The following KLHL29 variants were observed in gnomAD, a reference collection of about 807,000 sequenced individuals.
KLHL29 encodes kelch-like protein 29.
In KLHL29, 21 loss-of-function variants were observed where a neutral mutation model predicts 80.4. That is an observed-to-expected ratio of 0.26 (90% CI 0.19 to 0.38). The LOEUF (loss-of-function observed/expected upper bound fraction) is 0.38, where lower values mean the gene tolerates loss of function less well. Ranked by LOEUF, KLHL29 falls within the 10% of genes least tolerant of loss-of-function variation. The probability of loss-of-function intolerance (pLI) is 1.00; values close to 1 mark genes in which losing one functional copy is unlikely to be tolerated. For synonymous variants in KLHL29, 511 were observed against 526.8 expected (o/e 0.97, Z 0.41); for missense variants, 867 against 1,223.9 (o/e 0.71, Z 4.35).
At chr2:23,651,824 C>G (rs1670095765) in intron 5 of KLHL29, among the ~76,000 whole-genome samples, 1 of 152,192 alleles carries the variant, frequency 6.6e-6, no homozygotes, top group South Asian at 2.1e-4. Context: ...CTCACTGTAT[C>G]CTCACGTGGC....
At chr2:23,477,318 G>C (rs1664665819) in intron 2 of KLHL29, among the ~76,000 whole-genome samples, 1 of 152,266 alleles carries the variant, frequency 6.6e-6, no homozygotes, top group Admixed American at 6.5e-5. Context: ...GCTGGTCAGA[G>C]AGCTTTCTCT....
intron 3 of KLHL29, among the ~76,000 whole-genome samples, chr2:23,606,186 GA>G (rs1465563045): frequency 5.8e-5 from 7 of 119,754 alleles, no homozygotes; most frequent in Non-Finnish European, 8.6e-5. Context: ...GAGAGAGAGA[GA>G]GGGAGAGAGA....
At chr2:23,462,570 G>A (rs986634718) in intron 1 of KLHL29, among the ~76,000 whole-genome samples, 7 of 152,186 alleles carry the variant, frequency 4.6e-5, no homozygotes, top group Admixed American at 2.6e-4. Context: ...GCAAAATATA[G>A]GGGTTGTTGG....
At chr2:23,461,338 T>C (rs7586272) in intron 1 of KLHL29, among the ~76,000 whole-genome samples, 47,813 of 152,038 alleles carry the variant, frequency 0.31, 7,870 homozygotes, top group South Asian at 0.43. Context: ...TTCTGTCTCC[T>C]ACTTTGGGTC....
intron 1 of KLHL29, among the ~76,000 whole-genome samples, chr2:23,403,074 G>C (rs1466713456): frequency 6.6e-6 from 1 of 151,880 alleles, no homozygotes; most frequent in East Asian, 1.9e-4. Context: ...TAAAAAGGCT[G>C]AAAATGTGCC....
chr2:23,395,002 A>C (rs956474084), intron 1 of KLHL29, among the ~76,000 whole-genome samples: 3 of 152,190 alleles, frequency 2.0e-5, no homozygotes, highest in African/African-American at 7.2e-5. Context: ...ATCAATGGTT[A>C]TTTCTGGACT....
chr2:23,693,592 T>C (rs748500925), intron 8 of KLHL29, 64 bp downstream of exon 8: 561 of 1,483,120 alleles, frequency 3.8e-4, no homozygotes, highest in Middle Eastern at 5.1e-4. Context: ...GGCAATGGGG[T>C]CTGCAGCAAG....
At chr2:23,556,554 G>A (rs1337330945) in intron 2 of KLHL29, among the ~76,000 whole-genome samples, 2 of 151,986 alleles carry the variant, frequency 1.3e-5, no homozygotes, top group Non-Finnish European at 2.9e-5. Flanking sequence ...GCAGGAGGCT[G>A]AGGCAGGAGA....
chr2:23,664,056 A>G (rs918628731), intron 5 of KLHL29, among the ~76,000 whole-genome samples: 1 of 152,240 alleles, frequency 6.6e-6, no homozygotes, highest in Admixed American at 6.5e-5. Flanking sequence ...ATATGCGCTT[A>G]TGCATTGTAA....
chr2:23,457,864 T>A lies in KLHL29; in HGVS notation c.-153-17696T>A, dbSNP rs1205837905. Reference sequence around the variant, plus strand: ...CTGTCTCTACTAAAAATACAAAAAATTAGCCAGGCGTGGTGGCGGGCACCT... The same window carrying A: ...CTGTCTCTACTAAAAATACAAAAAAATAGCCAGGCGTGGTGGCGGGCACCT... On this transcript the variant is annotated intron_variant, in intron 1 of 13. Coordinates refer to ENST00000486442, the MANE Select transcript of KLHL29 (RefSeq NM_052920.2). The surrounding 1 kb of genome is among the most constrained non-coding windows in gnomAD (Gnocchi z 4.3). 2.0e-5 allele frequency among the ~76,000 whole-genome samples: 3 copies of A among 151,828 alleles called. No homozygotes were observed. The highest frequency in any genetic ancestry group is 7.3e-5 in the African/African-American group (3 of 41,324).
chr2:23,698,903 C>T (rs747274740), intron 11 of KLHL29, among the ~76,000 whole-genome samples: 2 of 152,208 alleles, frequency 1.3e-5, no homozygotes, highest in African/African-American at 2.4e-5. Context: ...TACTGAAAGA[C>T]TGAGGACTAA....
intron 1 of KLHL29, among the ~76,000 whole-genome samples, chr2:23,453,234 C>G (rs1217290499): frequency 3.3e-5 from 5 of 152,166 alleles, no homozygotes; most frequent in Admixed American, 6.5e-5. Context: ...CTGGCCCCAC[C>G]ATAAACAGCT....
chr2:23,545,999 C>T (rs148725016), intron 2 of KLHL29, among the ~76,000 whole-genome samples: 99 of 152,352 alleles, frequency 6.5e-4, no homozygotes, highest in African/African-American at 2.3e-3. Context: ...AAATGGACTG[C>T]CTGTGCCTAC....
chr2:23,619,796 C>T (rs2149142716), intron 3 of KLHL29, among the ~76,000 whole-genome samples: 1 of 152,324 alleles, frequency 6.6e-6, no homozygotes, highest in South Asian at 2.1e-4. Flanking sequence ...CTGCTTCATC[C>T]CAGCCTGTTA....
chr2:23,666,745 C>T (rs1670565472), intron 5 of KLHL29, among the ~76,000 whole-genome samples: 1 of 152,242 alleles, frequency 6.6e-6, no homozygotes, highest in Non-Finnish European at 1.5e-5. Flanking sequence ...GCAGACAGCA[C>T]ATGTGGAGCA....
At chr2:23,498,805 T>C (rs1665346861) in intron 2 of KLHL29, among the ~76,000 whole-genome samples, 1 of 152,228 alleles carries the variant, frequency 6.6e-6, no homozygotes, top group South Asian at 2.1e-4. Flanking sequence ...AGCTACCATA[T>C]TGGACAGTGT....
intron 1 of KLHL29, among the ~76,000 whole-genome samples, chr2:23,398,458 G>A (rs1254184792): frequency 1.3e-5 from 2 of 152,256 alleles, no homozygotes; most frequent in Non-Finnish European, 2.9e-5. Context: ...GCCAGGGGAT[G>A]TGGGGAGAGA....
intron 2 of KLHL29, among the ~76,000 whole-genome samples, chr2:23,480,357 C>A (rs1329878744): frequency 6.6e-6 from 1 of 152,176 alleles, no homozygotes; most frequent in African/African-American, 2.4e-5. Flanking sequence ...CATGGTGACA[C>A]ACGCCTATAG....
intron 2 of KLHL29, among the ~76,000 whole-genome samples, chr2:23,535,039 A>G (rs946264751): frequency 6.6e-6 from 1 of 152,242 alleles, no homozygotes; most frequent in Admixed American, 6.5e-5. Context: ...CATTTGTCAA[A>G]ACTCATCAGA....
Sources: gnomAD v4.1 joint callset for allele counts (sites outside exome capture counted in the v4.1 genomes callset) on GRCh38, gnomAD v4.1.1 for gene constraint, Gnocchi (gnomAD v3.1) non-coding constraint, MANE v1.5 for transcripts, NCBI Gene and HGNC (gene_info 2026-07-23, HGNC 2026-07-21) for gene names.